Variants in ATP7B observed in about 807,000 individuals in gnomAD.
ATP7B encodes copper-transporting ATPase 2.
Under a neutral mutation model 118.9 loss-of-function variants are expected in ATP7B, and 113 were observed. The ratio of observed to expected loss-of-function variants is 0.95; its 90% CI spans 0.82 to 1.11. The LOEUF (loss-of-function observed/expected upper bound fraction) is 1.11. Ranked by LOEUF, ATP7B falls within the 50% of genes most tolerant of loss-of-function variation. ATP7B has a pLI of 0.00. For missense variants in ATP7B, 1,867 were observed against 1,871.4 expected, an observed-to-expected ratio of 1.00 and a Z score of 0.04; for synonymous variants, 777 against 727.4, an observed-to-expected ratio of 1.07 and a Z score of -1.10.
intron 17 of ATP7B, 131 bp downstream of exon 17, chr13:51,938,920 C>G: frequency 7.1e-7 from 1 of 1,411,758 alleles, no homozygotes; most frequent in Non-Finnish European, 9.9e-7. Flanking sequence ...GAATGAAACA[C>G]GTGGAGAGAA....
rs1469278742 is a variant in ATP7B at position 51,939,172 on chromosome 13, G to A, written c.3578C>T (p.Ala1193Val). ...CTCCTGCTTGACAGCGTCTGCGATT[G>A]CGATCATCCCACAGAGCACACCTGG... ...AIDGVLCGMI[A>V]IADAVKQEAA... The change falls in exon 17 of 21, where the codon GCA (alanine) becomes GTA (valine). Residue 1193 changes from alanine to valine, a missense_variant. Ala to Val is a moderately conservative substitution (Grantham distance 64, BLOSUM62 0). Transcript: ENST00000242839. 1 of 1,613,806 alleles carries A rather than the reference G, an allele frequency of 6.2e-7. No individual in the cohort carries two copies. The highest frequency in any genetic ancestry group is 1.7e-5 in the Admixed American group (1 of 60,024).
At position 51,944,292 on chromosome 13, in the gene ATP7B, C is replaced by T. The variant is rs780955130; in HGVS notation, c.3061-1G>A. 1 of 1,613,808 alleles carries T rather than the reference C, an allele frequency of 6.2e-7. No homozygotes were observed. The highest frequency in any genetic ancestry group is 8.5e-7 in the Non-Finnish European group (1 of 1,179,986). On this transcript the variant is annotated splice_acceptor_variant, in intron 13 of 20. Coordinates refer to ENST00000242839, the MANE Select transcript of ATP7B (RefSeq NM_000053.4). LOFTEE classifies it high-confidence loss of function. Reference sequence around the variant, plus strand: ...TCTTGTCAAACATCACAGTCTTTATCTGCCAAAAACAACCACAACTCACTG... The same window carrying T: ...TCTTGTCAAACATCACAGTCTTTATTTGCCAAAAACAACCACAACTCACTG...
rs1593788830 is a variant in ATP7B at position 51,974,234 on chromosome 13, T to A, written c.986A>T (p.Asp329Val). The A allele has an allele frequency of 6.2e-7, 1 of 1,613,930 alleles. No homozygotes were observed. The highest frequency in any genetic ancestry group is 8.5e-7 in the Non-Finnish European group (1 of 1,179,982). Residue 329 changes from aspartate (D) to valine (V), a missense_variant, in exon 2 of 21, where the codon GAT (aspartate) becomes GTT (valine). Transcript: ENST00000242839. ...PPGNFKVSLP[D>V]GAEGSGTDHR... ...ATCTGTCCCACTCCCTTCGGCTCCATCAGGAAGAGAAACTTTAAAATTCCC... is the reference window on the plus strand; with the variant it reads ...ATCTGTCCCACTCCCTTCGGCTCCAACAGGAAGAGAAACTTTAAAATTCCC...
In ATP7B at chr13:51,935,619, C is replaced by T. The variant is rs778646271; in HGVS notation, c.4098G>A (p.Val1366=). ...SAAMAASSVS[V]VLSSLQLKCY... Reference sequence around the variant, plus strand: ...ACTTGAGCTGCAGGGATGAGAGCACCACAGACACAGAGGAGGCTGCCATGG... The same window carrying T: ...ACTTGAGCTGCAGGGATGAGAGCACTACAGACACAGAGGAGGCTGCCATGG... Residue 1366 remains valine, a synonymous_variant, in exon 20 of 21, where the codon GTG becomes GTA. Transcript: ENST00000242839. 1.2e-6 allele frequency: 2 copies of T among 1,613,740 alleles called. No individual in the cohort carries two copies. The highest frequency in any genetic ancestry group is 3.3e-5 in the Admixed American group (2 of 59,984).
chr13:51,965,126 A>T, intron 4 of ATP7B, 93 bp from the exon 5 acceptor site: 1 of 1,510,182 alleles, frequency 6.6e-7, no homozygotes, highest in African/African-American at 1.4e-5. Context: ...GGCAGCCAAG[A>T]GCCTTTCCCT....
At chr13:51,990,329 T>C (rs780020033) in intron 1 of ATP7B, among the ~76,000 whole-genome samples, 5 of 152,128 alleles carry the variant, frequency 3.3e-5, no homozygotes, top group Non-Finnish European at 5.9e-5. Flanking sequence ...CATTGCTACA[T>C]TCAAATAGTG....
intron 1 of ATP7B, among the ~76,000 whole-genome samples, chr13:52,004,024 G>A (rs1167046446): frequency 2.0e-5 from 3 of 152,158 alleles, no homozygotes; most frequent in African/African-American, 4.8e-5. Flanking sequence ...TTGGGAGGCC[G>A]AGGGGGGCGG....
intron 9 of ATP7B, among the ~76,000 whole-genome samples, chr13:51,951,637 G>T (rs1273629509): frequency 6.6e-6 from 1 of 152,168 alleles, no homozygotes; most frequent in African/African-American, 2.4e-5. Flanking sequence ...TCCACTATCT[G>T]AAAGCTGAGC....
At chr13:51,941,249 T>A (rs1957314589) in intron 15 of ATP7B, 25 bp from the exon 16 acceptor site, 6 of 1,613,646 alleles carry the variant, frequency 3.7e-6, no homozygotes, top group Middle Eastern at 1.6e-4. Context: ...CTGTGGTTAT[T>A]TCTAAATGGT....
intron 6 of ATP7B, 44 bp downstream of exon 6, chr13:51,961,793 G>A: frequency 6.3e-7 from 1 of 1,576,802 alleles, no homozygotes; most frequent in Non-Finnish European, 8.7e-7. Flanking sequence ...GTAGAGGAAG[G>A]GACTTAGATG....
chr13:51,946,139 G>C lies in ATP7B; in HGVS notation c.3060+145C>G, dbSNP rs556516713. 2.7e-6 allele frequency: 3 copies of C among 1,127,302 alleles called. No individual in the cohort carries two copies. In the South Asian group the frequency reaches 4.6e-5, roughly 17 times the overall value. The allele number at this position is 1,127,302 out of a possible 1,614,324, so 69.8% of individuals were successfully genotyped here. A position where few individuals can be genotyped will look rare whatever the true frequency, so the allele number is the denominator to read the frequency against. Reference sequence around the variant, plus strand: ...TGGTGGCTACTCTGTTGCTACTGTTGTTATTCCCAGTTATACTTGACTTCC... The same window carrying C: ...TGGTGGCTACTCTGTTGCTACTGTTCTTATTCCCAGTTATACTTGACTTCC... On this transcript the variant is annotated intron_variant, in intron 13 of 20. Coordinates refer to ENST00000242839, the MANE Select transcript of ATP7B (RefSeq NM_000053.4).
In ATP7B at chr13:51,974,735, T is replaced by C. The variant is rs1351500328; in HGVS notation, c.485A>G (p.Glu162Gly). 1 of 1,614,062 alleles carries C rather than the reference T, an allele frequency of 6.2e-7. No individual in the cohort carries two copies. The highest frequency in any genetic ancestry group is 2.2e-5 in the East Asian group (1 of 44,872). The change falls in exon 2 of 21, where the codon GAA becomes GGA. Residue 162 changes from glutamate (E) to glycine (G), a missense_variant. By Grantham distance (98) the Glu-to-Gly change is moderately conservative. Coordinates refer to ENST00000242839, the MANE Select transcript of ATP7B (RefSeq NM_000053.4). ...TCCTTGCAGTTTCCGGACCTTGCCT[T>C]CAATGGAGCTGACACAGGACTGGCA... ...MTCQSCVSSI[E>G]GKVRKLQGVV...
intron 13 of ATP7B, 44 bp from the exon 14 acceptor site, chr13:51,944,335 G>A: frequency 6.2e-7 from 1 of 1,610,650 alleles, no homozygotes; most frequent in Non-Finnish European, 8.5e-7. Flanking sequence ...TACAGATGGA[G>A]GGGCTTCCAT....
intron 8 of ATP7B, chr13:51,957,954 T>C: frequency 4.4e-6 from 2 of 457,380 alleles, no homozygotes; most frequent in Admixed American, 3.5e-5. Flanking sequence ...TTGGGGACAA[T>C]GAAGGGTGTT....
chr13:52,010,222 T>C (rs1953957198), intron 1 of ATP7B, among the ~76,000 whole-genome samples: 1 of 152,178 alleles, frequency 6.6e-6, no homozygotes, highest in Non-Finnish European at 1.5e-5. Flanking sequence ...CCAGCCTCTC[T>C]CTGTCTGTCC....
At chr13:51,969,224 T>C (rs1951723301) in intron 3 of ATP7B, among the ~76,000 whole-genome samples, 1 of 151,890 alleles carries the variant, frequency 6.6e-6, no homozygotes, top group Non-Finnish European at 1.5e-5. Context: ...CAAACTTTAA[T>C]GGACATATGA....
At chr13:51,961,005 C>T (rs550064524) in intron 6 of ATP7B, among the ~76,000 whole-genome samples, 1 of 152,060 alleles carries the variant, frequency 6.6e-6, no homozygotes, top group Admixed American at 6.6e-5. Context: ...ACCAGACCCC[C>T]AACTGGCTGT....
Position 51,935,579 on chromosome 13 carries a change from C to T in ATP7B, c.4124+14G>A, listed in dbSNP as rs2138450034. 1 of 1,611,282 alleles carries T rather than the reference C, an allele frequency of 6.2e-7. No individual in the cohort carries two copies. Among genetic ancestry groups the T allele is most frequent in the Non-Finnish European group, 8.5e-7 (1 of 1,178,860 alleles). On this transcript the variant is annotated intron_variant, in intron 20 of 20. Coordinates refer to ENST00000242839, the MANE Select transcript of ATP7B (RefSeq NM_000053.4). Reference sequence around the variant, plus strand: ...TGGGAGCCTCCCACAGATGCTCCACCTGAGGGGACTCACCACTTGAGCTGC... The same window carrying T: ...TGGGAGCCTCCCACAGATGCTCCACTTGAGGGGACTCACCACTTGAGCTGC...
At position 51,961,859 on chromosome 13, in the gene ATP7B, C is replaced by A. The variant is rs72552285; in HGVS notation, c.1924G>T (p.Asp642Tyr). The A allele has an allele frequency of 3.7e-6, 6 of 1,613,994 alleles. No individual in the cohort carries two copies. The South Asian group carries it at 6.6e-5, about 18-fold the overall frequency. ...AQRNPNAHHL[D>Y]HKMEIKQWKK... ...TACTGCTTTATTTCCATCTTGTGGT[C>A]CAAGTGATGAGCGTTGGGGTTTCTC... Residue 642 changes from aspartate (D) to tyrosine (Y), a missense_variant, in exon 6 of 21, where the codon GAC becomes TAC. Transcript: ENST00000242839.
Sources: gnomAD v4.1 joint callset for allele counts (sites outside exome capture counted in the v4.1 genomes callset) on GRCh38, gnomAD v4.1.1 for gene constraint, MANE v1.5 for transcripts, NCBI Gene and HGNC (gene_info 2026-07-23, HGNC 2026-07-21) for gene names.